WDFY3: variants seen among roughly 807,000 people sequenced by gnomAD.
WDFY3 encodes WD repeat and FYVE domain-containing protein 3.
Under a neutral mutation model 409.6 loss-of-function variants are expected in WDFY3, and 66 were observed. That is an observed-to-expected ratio of 0.16 (90% CI 0.13 to 0.20). The LOEUF (loss-of-function observed/expected upper bound fraction) is 0.20. Ranked by LOEUF, WDFY3 falls within the 10% of genes least tolerant of loss-of-function variation. The probability of loss-of-function intolerance (pLI) is 1.00; values close to 1 mark genes in which losing one functional copy is unlikely to be tolerated. For missense variants in WDFY3, 3,031 were observed against 4,298.1 expected (o/e 0.71, Z 8.24); for synonymous variants, 1,521 against 1,537.1 (o/e 0.99, Z 0.25).
chr4:84,909,634 T>C (rs1260617003), intron 2 of WDFY3, among the ~76,000 whole-genome samples: 1 of 152,088 alleles, frequency 6.6e-6, no homozygotes, highest in East Asian at 1.9e-4. Context: ...CCTTATAAAA[T>C]ACTAATATTG....
At chr4:84,696,547 T>C (rs535794174) in intron 57 of WDFY3, among the ~76,000 whole-genome samples, 185 bp downstream of exon 57, 11 of 152,126 alleles carry the variant, frequency 7.2e-5, no homozygotes, top group Non-Finnish European at 4.4e-5. Context: ...TATATATATA[T>C]AGGGTTTGGT....
intron 36 of WDFY3, among the ~76,000 whole-genome samples, chr4:84,749,256 TA>T (rs1740060940): frequency 6.6e-6 from 1 of 152,224 alleles, no homozygotes; most frequent in South Asian, 2.1e-4. Context: ...ATCATATGTT[TA>T]TAATTTATTC....
intron 13 of WDFY3, 78 bp from the exon 14 acceptor site, chr4:84,810,422 G>A (rs1752305766): frequency 8.5e-7 from 1 of 1,182,544 alleles, no homozygotes; most frequent in Non-Finnish European, 1.1e-6. Context: ...CATGTATATG[G>A]AGGTTGTACA....
intron 2 of WDFY3, among the ~76,000 whole-genome samples, chr4:84,930,032 C>A: frequency 6.6e-6 from 1 of 152,112 alleles, no homozygotes; most frequent in South Asian, 2.1e-4. Context: ...CCTTCCCTCA[C>A]AGGCCTCAGG....
At position 84,817,706 on chromosome 4, in the gene WDFY3, C is replaced by T; in HGVS notation, c.1694-121G>A. 9 of 898,728 alleles carry T rather than the reference C, an allele frequency of 1.0e-5. 1 individual carries two copies. The South Asian group carries it at 1.7e-4, about 17-fold the overall frequency. 55.7% of individuals were successfully genotyped at this position (898,728 alleles called of 1,614,324 possible). A position where few individuals can be genotyped will look rare whatever the true frequency, so the allele number is the denominator to read the frequency against. On this transcript the variant is annotated intron_variant, in intron 12 of 67. Transcript: ENST00000295888. Reference sequence around the variant, plus strand: ...TAACTCATAATAATGTAAATAAAACCTACCCAACTATTTCACCTTTTAAAT... The same window carrying T: ...TAACTCATAATAATGTAAATAAAACTTACCCAACTATTTCACCTTTTAAAT...
chr4:84,722,563 T>C (rs910602969), intron 46 of WDFY3, among the ~76,000 whole-genome samples: 2 of 152,234 alleles, frequency 1.3e-5, no homozygotes, highest in Non-Finnish European at 2.9e-5. Context: ...ACATATAATG[T>C]AATTTGCAGA....
intron 36 of WDFY3, chr4:84,751,133 T>C (rs1005954912): frequency 7.9e-5 from 25 of 314,614 alleles, no homozygotes; most frequent in Non-Finnish European, 1.5e-4. Context: ...TCTTACGTAT[T>C]GTCCATGGCT....
intron 38 of WDFY3, among the ~76,000 whole-genome samples, chr4:84,741,554 A>T (rs2149230591): frequency 6.6e-6 from 1 of 152,262 alleles, no homozygotes; most frequent in South Asian, 2.1e-4. Context: ...ACCTCAAGTG[A>T]TCCACCTGCC....
chr4:84,926,318 G>A (rs1404347160), intron 2 of WDFY3, among the ~76,000 whole-genome samples: 1 of 151,276 alleles, frequency 6.6e-6, no homozygotes, highest in East Asian at 2.0e-4. Flanking sequence ...AGAAGATAAA[G>A]TGGTGATTAA....
intron 25 of WDFY3, among the ~76,000 whole-genome samples, chr4:84,780,678 C>T (rs1435495142): frequency 6.6e-6 from 1 of 152,090 alleles, no homozygotes; most frequent in Non-Finnish European, 1.5e-5. Flanking sequence ...GCAGGAGACT[C>T]ACTTTAACCT....
chr4:84,959,438 T>C (rs950025335), intron 1 of WDFY3, among the ~76,000 whole-genome samples: 27 of 152,290 alleles, frequency 1.8e-4, no homozygotes, highest in African/African-American at 6.0e-4. Context: ...TTAAAAGACC[T>C]CTCTAATACT....
At chr4:84,924,561 A>G (rs541668693) in intron 2 of WDFY3, among the ~76,000 whole-genome samples, 1 of 152,308 alleles carries the variant, frequency 6.6e-6, no homozygotes, top group African/African-American at 2.4e-5. Context: ...CCATTTTTAC[A>G]AAACAGAACA....
At chr4:84,948,580 AATTCTGGATCAAGTCATC>A (rs2151094920) in intron 1 of WDFY3, among the ~76,000 whole-genome samples, 1 of 152,250 alleles carries the variant, frequency 6.6e-6, no homozygotes, top group African/African-American at 2.4e-5. Flanking sequence ...CCCAATCTTT[AATTCTGGATCAAGTCATC>A]ACTAACATTA....
intron 2 of WDFY3, among the ~76,000 whole-genome samples, chr4:84,904,717 C>G (rs1489281485): frequency 6.6e-6 from 1 of 152,134 alleles, no homozygotes; most frequent in African/African-American, 2.4e-5. Flanking sequence ...GCTGTTCTCT[C>G]CCTAAAAAAG....
At chr4:84,770,327 C>T (rs1013276700) in intron 30 of WDFY3, among the ~76,000 whole-genome samples, 2 of 152,054 alleles carry the variant, frequency 1.3e-5, no homozygotes, top group Non-Finnish European at 2.9e-5. Context: ...CGCGCCCGGC[C>T]GAGTTATATA....
intron 58 of WDFY3, among the ~76,000 whole-genome samples, chr4:84,694,341 A>G (rs1729757895): frequency 2.0e-5 from 3 of 152,302 alleles, no homozygotes; most frequent in African/African-American, 7.2e-5. Context: ...TAAAACCTAC[A>G]TTTCTGAGGA....
At chr4:84,943,122 C>T (rs1772354720) in intron 1 of WDFY3, among the ~76,000 whole-genome samples, 1 of 152,192 alleles carries the variant, frequency 6.6e-6, no homozygotes, top group South Asian at 2.1e-4. Flanking sequence ...TATGATGACC[C>T]ACTTCCACTT....
chr4:84,737,353 G>A lies in WDFY3; in HGVS notation c.6588C>T (p.Leu2196=), dbSNP rs756356362. 6.4e-7 allele frequency: 1 copy of A among 1,574,172 alleles called. No homozygotes were observed. The highest frequency in any genetic ancestry group is 8.6e-7 in the Non-Finnish European group (1 of 1,160,382). ...TCCAAACTCTGTTGACAGCTTTTAT[G>A]AGAAGCTGACGCCCTAGTAAACAAA... ...SQDISEGRQL[L]IKAVNRVWTE... is the part of the protein sequence containing the mutation. Residue 2196 remains leucine (L), a synonymous_variant, in exon 41 of 68, where the codon CTC becomes CTT. Transcript: ENST00000295888.
intron 19 of WDFY3, 87 bp downstream of exon 19, chr4:84,796,434 T>C: frequency 1.3e-6 from 1 of 741,940 alleles, no homozygotes; most frequent in Non-Finnish European, 1.9e-6. Flanking sequence ...ATATTTTAAT[T>C]AAGTATATTT....
Sources: allele counts gnomAD v4.1 joint callset (sites outside exome capture counted in the v4.1 genomes callset), GRCh38; gene constraint gnomAD v4.1.1; transcripts MANE v1.5; gene names NCBI Gene and HGNC (gene_info 2026-07-23, HGNC 2026-07-21).